The following RGS9 variants were observed in gnomAD, a reference collection of about 807,000 sequenced individuals.
The protein encoded by RGS9 is regulator of G protein signaling 9, also known as regulator of G-protein signalling 9.
In RGS9, 78 loss-of-function variants were observed where a neutral mutation model predicts 102.0. The ratio of observed to expected loss-of-function variants is 0.76; its 90% confidence interval spans 0.64 to 0.92. RGS9 has a LOEUF of 0.92. Among genes scored for constraint, RGS9 ranks in the 40% least tolerant of loss-of-function variants. The pLI is 0.00. For missense variants in RGS9, 833 were observed against 866.1 expected, an observed-to-expected ratio of 0.96 and a Z score of 0.48; for synonymous variants, 353 against 318.6, an observed-to-expected ratio of 1.11 and a Z score of -1.15.
chr17:65,176,747 CCATCCACCCAT>C (rs1911641331), intron 8 of RGS9, among the ~76,000 whole-genome samples: 3 of 139,082 alleles, frequency 2.2e-5, no homozygotes, highest in African/African-American at 6.0e-5. Flanking sequence ...ATCCATCCAT[CCATCCACCCAT>C]CCACCCATCC....
chr17:65,202,295 T>C (rs532353227), intron 14 of RGS9, among the ~76,000 whole-genome samples: 3 of 151,970 alleles, frequency 2.0e-5, no homozygotes, highest in Non-Finnish European at 2.9e-5. Flanking sequence ...AGACATGCAG[T>C]GTGAGTCACC....
chr17:65,202,659 A>G (rs930190349), intron 14 of RGS9, among the ~76,000 whole-genome samples: 1 of 152,140 alleles, frequency 6.6e-6, no homozygotes, highest in Non-Finnish European at 1.5e-5. Flanking sequence ...CTGAGCAGCA[A>G]TAAGTCTGTC....
At chr17:65,226,706 AG>A (rs11322082) in intron 18 of RGS9, among the ~76,000 whole-genome samples, 10,942 of 151,228 alleles carry the variant, frequency 0.072, 1,339 homozygotes, top group African/African-American at 0.25. Flanking sequence ...TCCGTCTCCC[AG>A]GTTCCAGCAA....
chr17:65,226,587 C>T (rs1905690696), intron 18 of RGS9, among the ~76,000 whole-genome samples: 1 of 151,624 alleles, frequency 6.6e-6, no homozygotes, highest in Non-Finnish European at 1.5e-5. Context: ...CCACTACTTC[C>T]TCAGAAGGCA....
intron 8 of RGS9, among the ~76,000 whole-genome samples, chr17:65,172,789 G>A (rs1195677288): frequency 6.6e-6 from 1 of 152,150 alleles, no homozygotes; most frequent in Non-Finnish European, 1.5e-5. Context: ...CCGGTTGGGG[G>A]TCAGGGAACA....
chr17:65,207,861 A>C, intron 15 of RGS9, 61 bp from the exon 16 acceptor site: 3 of 1,178,554 alleles, frequency 2.5e-6, no homozygotes, highest in Non-Finnish European at 3.8e-6. Flanking sequence ...TGGCAAGGGT[A>C]TTGGTTTGAT....
chr17:65,152,341 G>T (rs545182217), intron 1 of RGS9, among the ~76,000 whole-genome samples: 2 of 152,288 alleles, frequency 1.3e-5, no homozygotes, highest in East Asian at 1.9e-4. Context: ...TAAGAAAGAA[G>T]TCAGAGAGGA....
intron 12 of RGS9, among the ~76,000 whole-genome samples, chr17:65,195,782 C>T (rs1912560728): frequency 6.6e-6 from 1 of 152,230 alleles, no homozygotes; most frequent in Admixed American, 6.5e-5. Context: ...GTTGCTGTCT[C>T]ACCACTATCA....
At chr17:65,147,890 C>G (rs1425130066) in intron 1 of RGS9, among the ~76,000 whole-genome samples, 2 of 151,994 alleles carry the variant, frequency 1.3e-5, no homozygotes, top group African/African-American at 2.4e-5. Context: ...TGTGCCCGGC[C>G]TCTCTTTAAA....
At chr17:65,152,769 G>A (rs531222516) in intron 1 of RGS9, among the ~76,000 whole-genome samples, 5 of 152,330 alleles carry the variant, frequency 3.3e-5, no homozygotes, top group African/African-American at 1.2e-4. Context: ...GGGTTTAAGC[G>A]ATCCTCCCGC....
chr17:65,160,560 C>G lies in RGS9; in HGVS notation c.337C>G (p.Gln113Glu). The change falls in exon 5 of 19, where the codon CAG becomes GAG. Residue 113 changes from glutamine (Q) to glutamate (E), a missense_variant. Gln to Glu is a conservative substitution (Grantham distance 29). This residue lies in a region of RGS9 where 328 missense variants were observed against 340.6 expected (regional missense o/e 0.96). Transcript: ENST00000262406. Reference protein sequence around the residue: ...FQTPYFWPTQQWPAEDTDYAI... With the variant: ...FQTPYFWPTQEWPAEDTDYAI... ...GACACCGTATTTCTGGCCCACCCAG[C>G]AGTGGCCAGCTGAAGATACCGATTA... is the stretch of plus-strand genomic sequence containing the variant. The G allele has an allele frequency of 3.1e-6, 5 of 1,614,222 alleles. No homozygotes were observed. Among genetic ancestry groups the G allele is most frequent in the Non-Finnish European group, 3.4e-6 (4 of 1,180,030 alleles).
intron 17 of RGS9, among the ~76,000 whole-genome samples, chr17:65,217,813 G>A (rs773500062): frequency 6.6e-6 from 1 of 152,116 alleles, no homozygotes. Flanking sequence ...GTTTTGGAGA[G>A]GAATAGTTTA....
At chr17:65,151,430 A>T (rs76341187) in intron 1 of RGS9, among the ~76,000 whole-genome samples, 3,283 of 152,234 alleles carry the variant, frequency 0.022, 102 homozygotes, top group African/African-American at 0.066. Context: ...TAAAAATGAA[A>T]AAAACAACTC....
Position 65,160,186 on chromosome 17 carries a change from T to G in RGS9, c.206-47T>G. The stretch of plus-strand genomic sequence containing the variant: ...GCCGTGGGGGCCGGCAATGAGCTCC[T>G]GTCTCAGCCCTGCTCTTAACATCCA... On this transcript the variant is annotated intron_variant, in intron 3 of 18. Coordinates refer to ENST00000262406, the MANE Select transcript of RGS9 (RefSeq NM_003835.4). 2.7e-6 allele frequency: 4 copies of G among 1,466,364 alleles called. No homozygotes were observed. In the South Asian group the frequency reaches 4.5e-5, roughly 17 times the overall value. The allele number at this position is 1,466,364 out of a possible 1,614,324, so 90.8% of individuals were successfully genotyped here.
In RGS9 at chr17:65,208,022, C is replaced by A; in HGVS notation, c.1289+15C>A. The A allele has an allele frequency of 6.4e-7, 1 of 1,564,486 alleles. No individual in the cohort carries two copies. The highest frequency in any genetic ancestry group is 8.8e-7 in the Non-Finnish European group (1 of 1,135,320). ...ACCAAGAAAAGGCAAGTGGAATTAT[C>A]TGTAATTGCTGGCTGCCTGCTGCTT... On this transcript the variant is annotated intron_variant, in intron 16 of 18. Coordinates refer to ENST00000262406, the MANE Select transcript of RGS9 (RefSeq NM_003835.4).
chr17:65,172,396 G>A (rs945039437), intron 8 of RGS9, among the ~76,000 whole-genome samples: 6 of 151,744 alleles, frequency 4.0e-5, no homozygotes, highest in South Asian at 4.2e-4. Context: ...TAGAGACGGC[G>A]GTTTCACCAT....
chr17:65,182,346 C>T (rs895672409), intron 9 of RGS9, among the ~76,000 whole-genome samples: 3 of 152,190 alleles, frequency 2.0e-5, no homozygotes, highest in Admixed American at 6.5e-5. Context: ...GACCTGAGTG[C>T]GCCACCCTTT....
chr17:65,173,260 A>G lies in RGS9; in HGVS notation c.583-4472A>G, dbSNP rs1911488221. Among the ~76,000 whole-genome samples the G allele has an allele frequency of 6.6e-6, 1 of 152,124 alleles. No homozygotes were observed. The highest frequency in any genetic ancestry group is 1.5e-5 in the Non-Finnish European group (1 of 68,032). ...TTTCCCCTGTCTTATTTTGTTTAGA[A>G]AACGAGTTAGTGTTTTACTTAGTAT... On this transcript the variant is annotated intron_variant, in intron 8 of 18. Coordinates refer to ENST00000262406, the MANE Select transcript of RGS9 (RefSeq NM_003835.4). The surrounding 1 kb of genome is among the most constrained non-coding windows in gnomAD (Gnocchi z 4.8).
chr17:65,197,513 T>C (rs915453940), intron 13 of RGS9, among the ~76,000 whole-genome samples: 1 of 152,160 alleles, frequency 6.6e-6, no homozygotes, highest in Non-Finnish European at 1.5e-5. Flanking sequence ...GAGGGCTCCA[T>C]CCATCCTGGA....
Sources: allele counts gnomAD v4.1 joint callset (sites outside exome capture counted in the v4.1 genomes callset), GRCh38; gene constraint gnomAD v4.1.1; regional missense constraint gnomAD v4.1.1; non-coding constraint Gnocchi (gnomAD v3.1); transcripts MANE v1.5; gene names NCBI Gene and HGNC (gene_info 2026-07-23, HGNC 2026-07-21).